The following CDH18 variants were observed in gnomAD, a reference collection of about 807,000 sequenced individuals.
The protein encoded by CDH18 is cadherin-18.
Under a neutral mutation model 67.9 loss-of-function variants are expected in CDH18, and 31 were observed. The ratio of observed to expected loss-of-function variants is 0.46; its 90% CI spans 0.34 to 0.62. The LOEUF (loss-of-function observed/expected upper bound fraction) is 0.62. Among genes scored for constraint, CDH18 ranks in the 20% least tolerant of loss-of-function variants. The pLI is 0.01. For missense variants in CDH18, 890 were observed against 975.5 expected (o/e 0.91, Z 1.17); for synonymous variants, 362 against 347.2 (o/e 1.04, Z -0.48).
chr5:20,231,543 G>A (rs1032016411), intron 2 of CDH18, among the ~76,000 whole-genome samples: 6 of 151,630 alleles, frequency 4.0e-5, no homozygotes, highest in Non-Finnish European at 7.4e-5. Flanking sequence ...AGGTTGCAGT[G>A]AGCCAAGATC....
At chr5:20,543,455 C>G (rs1508551) in intron 1 of CDH18, among the ~76,000 whole-genome samples, 60,064 of 151,814 alleles carry the variant, frequency 0.4, 13,314 homozygotes, top group East Asian at 0.56. Flanking sequence ...TTAGTGTTTT[C>G]TTTATTTTGC....
intron 2 of CDH18, among the ~76,000 whole-genome samples, chr5:20,088,638 G>C (rs1243760966): frequency 6.6e-6 from 1 of 152,120 alleles, no homozygotes; most frequent in Non-Finnish European, 1.5e-5. Context: ...AATGCAGATC[G>C]ACTCTGGCCA....
chr5:19,798,850 G>C (rs886499285), intron 3 of CDH18, among the ~76,000 whole-genome samples: 1 of 151,930 alleles, frequency 6.6e-6, no homozygotes. Context: ...TTGGAAATTA[G>C]GGAAATTGGG....
At chr5:20,244,461 T>C (rs1413258768) in intron 2 of CDH18, among the ~76,000 whole-genome samples, 1 of 152,110 alleles carries the variant, frequency 6.6e-6, no homozygotes, top group Non-Finnish European at 1.5e-5. Context: ...CATATGCCCA[T>C]ATTGAACTAA....
At chr5:19,939,951 T>G (rs560445916) in intron 2 of CDH18, among the ~76,000 whole-genome samples, 6 of 151,984 alleles carry the variant, frequency 3.9e-5, no homozygotes, top group Admixed American at 6.6e-5. Context: ...TTCTTTTATG[T>G]GACTTACTCT....
chr5:20,496,440 G>A (rs1269619462), intron 1 of CDH18, among the ~76,000 whole-genome samples: 1 of 151,866 alleles, frequency 6.6e-6, no homozygotes, highest in African/African-American at 2.4e-5. Context: ...AAAAATAAAG[G>A]AAAATTAATA....
At chr5:19,557,016 A>AT (rs1738564918) in intron 8 of CDH18, among the ~76,000 whole-genome samples, 3 of 152,244 alleles carry the variant, frequency 2.0e-5, no homozygotes, top group South Asian at 2.1e-4. Context: ...TCAGTCAAGA[A>AT]TTTTTTATCC....
At chr5:19,553,761 C>A (rs1220717555) in intron 8 of CDH18, among the ~76,000 whole-genome samples, 1 of 151,642 alleles carries the variant, frequency 6.6e-6, no homozygotes, top group Non-Finnish European at 1.5e-5. Flanking sequence ...CCAACTCAGC[C>A]TCTGAAGAAG....
At chr5:19,810,165 AC>A (rs1410256146) in intron 3 of CDH18, among the ~76,000 whole-genome samples, 1 of 151,944 alleles carries the variant, frequency 6.6e-6, no homozygotes. Flanking sequence ...CCCCATCTCT[AC>A]TAAAAATACA....
At chr5:19,755,375 A>T (rs1771401085) in intron 3 of CDH18, among the ~76,000 whole-genome samples, 1 of 141,992 alleles carries the variant, frequency 7.0e-6, no homozygotes. Context: ...ACAAAAGTTC[A>T]TTCAATGCTA....
chr5:20,247,581 T>C (rs1265801268), intron 2 of CDH18, among the ~76,000 whole-genome samples: 3 of 151,918 alleles, frequency 2.0e-5, no homozygotes, highest in African/African-American at 7.3e-5. Flanking sequence ...CTGGCCAGCA[T>C]GGTGAAACCC....
At position 20,042,912 on chromosome 5, in the gene CDH18, A is replaced by C. The variant is rs536762300; in HGVS notation, c.-517-50898T>G. Among the ~76,000 whole-genome samples the C allele has an allele frequency of 3.3e-3, 499 of 152,140 alleles. 2 individuals are homozygous for C. The highest frequency in any genetic ancestry group is 0.012 in the African/African-American group (481 of 41,532). ...GGGAGGCAGAGCTTGCAGTGAGCCA[A>C]GATCGCGCCACTGCACTCCAGCCTG... On this transcript the variant is annotated intron_variant, in intron 2 of 14. Coordinates refer to the CDH18 transcript ENST00000507958.
At chr5:20,025,371 C>T (rs1299314693) in intron 2 of CDH18, among the ~76,000 whole-genome samples, 1 of 152,076 alleles carries the variant, frequency 6.6e-6, no homozygotes, top group African/African-American at 2.4e-5. Context: ...TCAATAATTA[C>T]AACTTTTTCT....
chr5:19,621,053 C>T (rs1750608264), intron 5 of CDH18, among the ~76,000 whole-genome samples: 1 of 152,048 alleles, frequency 6.6e-6, no homozygotes, highest in African/African-American at 2.4e-5. Flanking sequence ...GAAAATTAAA[C>T]TGTAGACTTT....
chr5:20,086,421 A>T (rs543000156), intron 2 of CDH18, among the ~76,000 whole-genome samples: 2 of 152,342 alleles, frequency 1.3e-5, no homozygotes, highest in African/African-American at 4.8e-5. Flanking sequence ...TGATAAATGT[A>T]GCTACACTAA....
chr5:19,718,638 T>C (rs752623363), intron 5 of CDH18, among the ~76,000 whole-genome samples: 1 of 152,054 alleles, frequency 6.6e-6, no homozygotes, highest in Non-Finnish European at 1.5e-5. Flanking sequence ...TCTAAGATAC[T>C]TGCATATTTA....
intron 2 of CDH18, among the ~76,000 whole-genome samples, chr5:19,849,047 C>A (rs1039755237): frequency 6.6e-6 from 1 of 151,680 alleles, no homozygotes; most frequent in African/African-American, 2.4e-5. Context: ...ATACAACTCA[C>A]AAAGTCTCAG....
chr5:20,043,822 A>T (rs946108626), intron 2 of CDH18, among the ~76,000 whole-genome samples: 4 of 152,208 alleles, frequency 2.6e-5, no homozygotes, highest in African/African-American at 7.2e-5. Flanking sequence ...GGTAAAAAAT[A>T]TTTTAAATCA....
rs565105599 is a variant in CDH18, at chr5:20,398,583, T to G, written c.-579-143078A>C. The stretch of plus-strand genomic sequence containing the variant: ...ACGTCCTAATGCGGGGCTTAAAACC[T>G]AGATGATGGCAAACCACCATGGCAC... On this transcript the variant is annotated intron_variant, in intron 1 of 14. Transcript: ENST00000507958. Among the ~76,000 whole-genome samples, 3 of 152,222 alleles carry G rather than the reference T, an allele frequency of 2.0e-5. No individual in the cohort carries two copies. The East Asian group carries it at 5.8e-4, about 29-fold the overall frequency.
Sources: gnomAD v4.1 joint callset for allele counts (sites outside exome capture counted in the v4.1 genomes callset) on GRCh38, gnomAD v4.1.1 for gene constraint, MANE v1.5 for transcripts, NCBI Gene and HGNC (gene_info 2026-07-23, HGNC 2026-07-21) for gene names.